The following RNF214 variants were observed in gnomAD, a reference collection of about 807,000 sequenced individuals.
RNF214 encodes the protein ring finger protein 214.
Under a neutral mutation model 75.9 loss-of-function variants are expected in RNF214, and 25 were observed. The ratio of observed to expected loss-of-function variants is 0.33; its 90% CI spans 0.24 to 0.46. The LOEUF is 0.46. Among genes scored for constraint, RNF214 ranks in the 20% least tolerant of loss-of-function variants. RNF214 has a pLI of 1.00. For missense variants in RNF214, 725 were observed against 857.5 expected (o/e 0.85, Z 1.93); for synonymous variants, 314 against 308.8 (o/e 1.02, Z -0.18).
rs1349564042 is a variant in RNF214 at position 117,238,889 on chromosome 11, T to C, written c.396T>C (p.Thr132=). ...TSLRESLHPV[T]RSLKAGCHTK... ...TTCGGGAGAGCCTCCATCCAGTCAC[T>C]CGGTCTCTTAAGGCAGGGTGCCATA... The change falls in exon 3 of 15, where the codon ACT becomes ACC. Residue 132 remains threonine (T), a synonymous_variant. Coordinates refer to ENST00000300650, the MANE Select transcript of RNF214 (RefSeq NM_207343.4). 3 of 1,614,118 alleles carry C rather than the reference T, an allele frequency of 1.9e-6. No homozygotes were observed. In the Admixed American group the frequency reaches 5.0e-5, roughly 27 times the overall value.
Position 117,285,297 on chromosome 11 carries a change from C to A in RNF214, c.*146C>A, listed in dbSNP as rs1367679704. ...TATAGGTAATGTGTGTATAGAAAGT[C>A]TGTATTCCAATGTTCGTAAATGAAA... On this transcript the variant is annotated 3_prime_UTR_variant, in exon 15 of 15. Transcript: ENST00000300650. The A allele has an allele frequency of 5.2e-6, 3 of 577,256 alleles. No individual in the cohort carries two copies. The highest frequency in any genetic ancestry group is 9.3e-6 in the Non-Finnish European group (3 of 323,862). 35.8% of individuals were successfully genotyped at this position (577,256 alleles called of 1,614,324 possible).
At chr11:117,255,461 T>G (rs976271255) in intron 6 of RNF214, among the ~76,000 whole-genome samples, 3 of 152,166 alleles carry the variant, frequency 2.0e-5, no homozygotes, top group Admixed American at 2.0e-4. Flanking sequence ...CCCTTATTTT[T>G]GTTCTTTTTA....
chr11:117,272,489 C>T (rs1242861149), intron 6 of RNF214, among the ~76,000 whole-genome samples: 5 of 151,878 alleles, frequency 3.3e-5, no homozygotes, highest in African/African-American at 7.3e-5. Flanking sequence ...CTAATGTATG[C>T]GGGGCTTAAA....
chr11:117,265,259 C>T (rs1252674551), intron 6 of RNF214, among the ~76,000 whole-genome samples: 3 of 152,062 alleles, frequency 2.0e-5, no homozygotes, highest in South Asian at 2.1e-4. Context: ...TCTTCCTTCC[C>T]CATCTGCTTC....
intron 6 of RNF214, among the ~76,000 whole-genome samples, chr11:117,271,967 C>T (rs888337148): frequency 3.9e-5 from 6 of 152,160 alleles, no homozygotes; most frequent in Non-Finnish European, 8.8e-5. Context: ...AGCACACCAC[C>T]GTGCCCAGTT....
intron 3 of RNF214, 185 bp downstream of exon 3, chr11:117,239,296 TAAG>T (rs2033005520): frequency 6.5e-6 from 4 of 611,708 alleles, no homozygotes; most frequent in African/African-American, 1.8e-5. Context: ...GTTCAGTAAA[TAAG>T]AAAGCCAGTA....
intron 6 of RNF214, among the ~76,000 whole-genome samples, chr11:117,258,478 A>G (rs573702719): frequency 6.6e-6 from 1 of 152,210 alleles, no homozygotes; most frequent in East Asian, 1.9e-4. Context: ...AGTTGCAGTC[A>G]TCAGTAACTT....
In RNF214 at chr11:117,282,106, C is replaced by T. The variant is rs920474594; in HGVS notation, c.1548C>T (p.Ser516=). 4 of 1,613,998 alleles carry T rather than the reference C, an allele frequency of 2.5e-6. No individual in the cohort carries two copies. Among genetic ancestry groups the T allele is most frequent in the South Asian group, 2.2e-5 (2 of 91,080 alleles). The change falls in exon 11 of 15, where the codon TCC becomes TCT. Residue 516 remains serine, a synonymous_variant. Transcript: ENST00000300650. ...SHGRNSPGLG[S]LVSPHGPHMP... ...GCAGAAATAGCCCTGGCTTGGGTTC[C>T]CTTGTCAGCCCCCACGGTCCACACA...
In RNF214 at chr11:117,244,580, C is replaced by T; in HGVS notation, c.814C>T (p.His272Tyr). 1 of 1,604,162 alleles carries T rather than the reference C, an allele frequency of 6.2e-7. No homozygotes were observed. Reference protein sequence around the residue: ...QQRREEEMKNHQEILKAIQDV... With the variant: ...QQRREEEMKNYQEILKAIQDV... Reference sequence around the variant, plus strand: ...AAGGAGAGAAGAGGAAATGAAGAATCACCAGGTATTTTGCTTATATTGAAA... The same window carrying T: ...AAGGAGAGAAGAGGAAATGAAGAATTACCAGGTATTTTGCTTATATTGAAA... The change falls in exon 5 of 15, where the codon CAC (histidine) becomes TAC (tyrosine). Residue 272 changes from histidine (H) to tyrosine (Y), a missense_variant. By Grantham distance (83) the His-to-Tyr change is moderately conservative. Coordinates refer to ENST00000300650, the MANE Select transcript of RNF214 (RefSeq NM_207343.4).
intron 5 of RNF214, among the ~76,000 whole-genome samples, chr11:117,244,818 A>C (rs907590061): frequency 6.6e-6 from 1 of 151,876 alleles, no homozygotes; most frequent in Admixed American, 6.5e-5. Context: ...GGTGTGTGCC[A>C]CTATGCCTGG....
At position 117,243,035 on chromosome 11, in the gene RNF214, A is replaced by C. The variant is rs75926975; in HGVS notation, c.679-1410A>C. On this transcript the variant is annotated intron_variant, in intron 4 of 14. Transcript: ENST00000300650. ...GAATCCCTGGAAAGGTGTGATGCTG[A>C]GTAATCAGCTGTTTGGGACACATTA... is the stretch of plus-strand genomic sequence containing the variant. 9.2e-3 allele frequency among the ~76,000 whole-genome samples: 1,401 copies of C among 152,366 alleles called. 14 individuals are homozygous for C. Among genetic ancestry groups the C allele is most frequent in the African/African-American group, 0.032 (1,330 of 41,582 alleles).
intron 2 of RNF214, 43 bp downstream of exon 2, chr11:117,234,422 G>T: frequency 7.1e-7 from 1 of 1,401,488 alleles, no homozygotes; most frequent in South Asian, 1.2e-5. Flanking sequence ...TTTGGGTAAA[G>T]GGTTTTTGAG....
chr11:117,279,481 C>T (rs1357805497), intron 6 of RNF214, among the ~76,000 whole-genome samples: 2 of 151,974 alleles, frequency 1.3e-5, no homozygotes, highest in African/African-American at 2.4e-5. Context: ...AGGCGACAGG[C>T]GTGCGCCATC....
At chr11:117,242,813 C>T (rs1467977499) in intron 4 of RNF214, among the ~76,000 whole-genome samples, 2 of 152,194 alleles carry the variant, frequency 1.3e-5, no homozygotes, top group African/African-American at 4.8e-5. Context: ...GAGATTGCAC[C>T]ACTGCACTCT....
chr11:117,267,627 G>C (rs2033823626), intron 6 of RNF214, among the ~76,000 whole-genome samples: 1 of 152,116 alleles, frequency 6.6e-6, no homozygotes, highest in South Asian at 2.1e-4. Context: ...TACTTGGGAG[G>C]CTGAGGTGGG....
At chr11:117,266,732 T>G (rs1407992076) in intron 6 of RNF214, among the ~76,000 whole-genome samples, 1 of 152,076 alleles carries the variant, frequency 6.6e-6, no homozygotes, top group African/African-American at 2.4e-5. Flanking sequence ...CTCCTGGGAC[T>G]CCACTGTCAG....
chr11:117,282,040 C>G lies in RNF214; in HGVS notation c.1482C>G (p.Ser494=), dbSNP rs2034137913. The G allele has an allele frequency of 1.2e-6, 2 of 1,613,964 alleles. No individual in the cohort carries two copies. The highest frequency in any genetic ancestry group is 1.7e-5 in the Admixed American group (1 of 59,996). The change falls in exon 11 of 15, where the codon TCC becomes TCG. Residue 494 remains serine (S), a synonymous_variant. Transcript: ENST00000300650. ...TCCCAATCCTGAACCCTGCCCTTTC[C>G]CAGCCCAGCCAGCCTTCCTCACCCC... ...LSFPILNPAL[S]QPSQPSSPLP...
chr11:117,279,568 T>C (rs1385563174), intron 6 of RNF214, among the ~76,000 whole-genome samples: 1 of 152,078 alleles, frequency 6.6e-6, no homozygotes, highest in Non-Finnish European at 1.5e-5. Context: ...AACTCCTGAT[T>C]TCAAGTGATC....
intron 2 of RNF214, among the ~76,000 whole-genome samples, chr11:117,237,228 C>G (rs766442738): frequency 2.6e-5 from 4 of 152,120 alleles, no homozygotes; most frequent in African/African-American, 9.7e-5. Context: ...TACAGGTGCA[C>G]GCCACTACAC....
Sources: gnomAD v4.1 joint callset for allele counts (sites outside exome capture counted in the v4.1 genomes callset) on GRCh38, gnomAD v4.1.1 for gene constraint, MANE v1.5 for transcripts, NCBI Gene and HGNC (gene_info 2026-07-23, HGNC 2026-07-21) for gene names.